CIMIP2A: variants seen among roughly 807,000 people sequenced by gnomAD.
The protein encoded by CIMIP2A is family with sequence similarity 166 member A.
the CIMIP2A span, among the ~76,000 whole-genome samples, chr9:137,246,993 T>A: frequency 6.6e-6 from 1 of 151,350 alleles, no homozygotes; most frequent in Non-Finnish European, 1.5e-5. Flanking sequence ...GTCTTTAAAG[T>A]GTGGAGTCCT....
At chr9:137,249,349 C>T in the CIMIP2A span, among the ~76,000 whole-genome samples, 10,593 of 152,250 alleles carry the variant, frequency 0.07, 570 homozygotes, top group East Asian at 0.3. Context: ...CACGTCCATA[C>T]AAGACACTGC....
the CIMIP2A span, chr9:137,245,182 CG>C: frequency 1.2e-5 from 18 of 1,560,368 alleles, no homozygotes; most frequent in East Asian, 4.5e-5. Context: ...TGGCGGCGGG[CG>C]GGGGGTGGGT....
the CIMIP2A span, chr9:137,252,104 C>G: frequency 3.7e-6 from 6 of 1,612,308 alleles, no homozygotes; most frequent in Non-Finnish European, 5.1e-6. Flanking sequence ...CACACCCCCA[C>G]TACAGCATCG....
chr9:137,246,773 A>G, the CIMIP2A span, among the ~76,000 whole-genome samples: 1 of 152,050 alleles, frequency 6.6e-6, no homozygotes, highest in African/African-American at 2.4e-5. Context: ...AAAAGAAAAA[A>G]AAAAGCCGAG....
At chr9:137,245,181 G>T in the CIMIP2A span, 1 of 1,017,962 alleles carries the variant, frequency 9.8e-7, no homozygotes, top group South Asian at 1.3e-5. Context: ...CTGGCGGCGG[G>T]CGGGGGGTGG....
At chr9:137,252,745 G>C in the CIMIP2A span, 22 of 1,558,044 alleles carry the variant, frequency 1.4e-5, no homozygotes, top group Non-Finnish European at 1.9e-5. Context: ...CCGCTTCCAA[G>C]ACACCTGAAG....
chr9:137,251,713 C>A, the CIMIP2A span: 1 of 1,552,848 alleles, frequency 6.4e-7, no homozygotes, highest in Non-Finnish European at 8.7e-7. Flanking sequence ...GGGGCTGAGA[C>A]AGTGGCTGCT....
At chr9:137,249,940 G>A in the CIMIP2A span, among the ~76,000 whole-genome samples, 3 of 152,198 alleles carry the variant, frequency 2.0e-5, no homozygotes, top group Admixed American at 1.3e-4. Context: ...GAAGTTCCAG[G>A]GGCCCAGGCT....
the CIMIP2A span, chr9:137,245,462 G>A: frequency 6.2e-7 from 1 of 1,613,934 alleles, no homozygotes; most frequent in Non-Finnish European, 8.5e-7. Context: ...AGCAGAATCT[G>A]TCTGGGTATG....
chr9:137,253,354 A>T, the CIMIP2A span: 6 of 1,541,840 alleles, frequency 3.9e-6, no homozygotes, highest in Non-Finnish European at 5.2e-6. Context: ...TGGCCTTCTG[A>T]CCCTCTGGGC....
chr9:137,250,250 G>A, the CIMIP2A span: 2 of 152,256 alleles, frequency 1.3e-5, no homozygotes, highest in African/African-American at 2.4e-5. Context: ...CGGTGGCAAC[G>A]TTTATTACAG....
the CIMIP2A span, chr9:137,245,243 C>T: frequency 2.4e-5 from 38 of 1,574,232 alleles, no homozygotes; most frequent in Non-Finnish European, 2.9e-5. Flanking sequence ...AAGCGGAGGT[C>T]ACGGTGCAGC....
chr9:137,252,285 C>G, the CIMIP2A span: 2 of 1,344,964 alleles, frequency 1.5e-6, no homozygotes, highest in Non-Finnish European at 2.0e-6. Flanking sequence ...GTAAGGAGGC[C>G]TGGAGAGAGG....
the CIMIP2A span, chr9:137,252,759 A>G: frequency 1.9e-6 from 3 of 1,560,670 alleles, no homozygotes; most frequent in Admixed American, 5.7e-5. Flanking sequence ...CCTGAAGGCC[A>G]CACCCACCTA....
At chr9:137,245,921 C>T in the CIMIP2A span, 2 of 1,301,016 alleles carry the variant, frequency 1.5e-6, no homozygotes, top group African/African-American at 3.0e-5. Flanking sequence ...AGGGCCCCTT[C>T]AAGCCAGATG....
At chr9:137,252,802 G>A in the CIMIP2A span, 4 of 1,564,460 alleles carry the variant, frequency 2.6e-6, no homozygotes, top group East Asian at 9.5e-5. Flanking sequence ...TGGGCCTCAG[G>A]GTGCAGCCCC....
the CIMIP2A span, among the ~76,000 whole-genome samples, chr9:137,254,095 G>T: frequency 6.6e-6 from 1 of 152,176 alleles, no homozygotes; most frequent in Non-Finnish European, 1.5e-5. Flanking sequence ...CCTTACCTGC[G>T]GTGCCGTCAC....
the CIMIP2A span, chr9:137,244,124 C>T: frequency 4.5e-6 from 7 of 1,569,150 alleles, no homozygotes; most frequent in East Asian, 2.2e-5. Flanking sequence ...CCGTCCCTCC[C>T]CACATTGGCC....
At chr9:137,246,117 G>A in the CIMIP2A span, among the ~76,000 whole-genome samples, 2 of 152,230 alleles carry the variant, frequency 1.3e-5, no homozygotes, top group South Asian at 4.1e-4. Context: ...CCTTGTACCA[G>A]CCCCTCCAAC....
Sources: allele counts gnomAD v4.1 joint callset (sites outside exome capture counted in the v4.1 genomes callset), GRCh38; gene constraint gnomAD v4.1.1; transcripts MANE v1.5; gene names NCBI Gene and HGNC (gene_info 2026-07-23, HGNC 2026-07-21).